The following GABBR2 variants were observed in gnomAD, a reference collection of about 807,000 sequenced individuals.
The protein encoded by GABBR2 is G-protein coupled receptor 51.
In GABBR2, 23 loss-of-function variants were observed where a neutral mutation model predicts 105.6. The ratio of observed to expected loss-of-function variants is 0.22; its 90% CI spans 0.16 to 0.31. The LOEUF is 0.31. GABBR2 is among the 10% of genes least tolerant of loss of function. The pLI is 1.00. For synonymous variants in GABBR2, 478 were observed against 499.7 expected, an observed-to-expected ratio of 0.96 and a Z score of 0.58; for missense variants, 734 against 1,245.5, an observed-to-expected ratio of 0.59 and a Z score of 6.18.
chr9:98,622,236 T>C (rs1056173676), intron 1 of GABBR2, among the ~76,000 whole-genome samples: 1 of 152,032 alleles, frequency 6.6e-6, no homozygotes, highest in Non-Finnish European at 1.5e-5. Flanking sequence ...GTCATCACAG[T>C]TCATTGCAGT....
At chr9:98,412,836 G>C (rs188441379) in intron 7 of GABBR2, among the ~76,000 whole-genome samples, 103 of 152,338 alleles carry the variant, frequency 6.8e-4, no homozygotes, top group African/African-American at 2.2e-3. Flanking sequence ...AGGAATGAGT[G>C]CTCAGAGAGG....
intron 7 of GABBR2, among the ~76,000 whole-genome samples, chr9:98,420,338 G>A (rs955207688): frequency 6.6e-6 from 1 of 152,162 alleles, no homozygotes; most frequent in East Asian, 1.9e-4. Flanking sequence ...AGCCTCAGCC[G>A]GCCTCGACTG....
At chr9:98,340,725 A>T (rs997320889) in intron 13 of GABBR2, among the ~76,000 whole-genome samples, 2 of 152,226 alleles carry the variant, frequency 1.3e-5, no homozygotes, top group African/African-American at 4.8e-5. Flanking sequence ...CACCCTGATG[A>T]TGAACCATTT....
chr9:98,456,020 C>A (rs1588170606), intron 6 of GABBR2, among the ~76,000 whole-genome samples: 1 of 152,254 alleles, frequency 6.6e-6, no homozygotes, highest in East Asian at 1.9e-4. Flanking sequence ...GCAGAAACTC[C>A]CCCCAAATCC....
intron 7 of GABBR2, among the ~76,000 whole-genome samples, chr9:98,419,976 A>G (rs1832753683): frequency 6.6e-6 from 1 of 151,996 alleles, no homozygotes; most frequent in South Asian, 2.1e-4. Flanking sequence ...GCCTCCTGAC[A>G]ACGTTTCTGG....
chr9:98,566,877 T>C (rs1336894663), intron 2 of GABBR2, among the ~76,000 whole-genome samples: 1 of 150,714 alleles, frequency 6.6e-6, no homozygotes, highest in African/African-American at 2.4e-5. Flanking sequence ...GAAGATTACA[T>C]GCCTGCTGGG....
At chr9:98,623,220 T>G (rs1829692164) in intron 1 of GABBR2, among the ~76,000 whole-genome samples, 1 of 151,718 alleles carries the variant, frequency 6.6e-6, no homozygotes, top group South Asian at 2.1e-4. Context: ...AATGCAGGAG[T>G]TCAAGACCAG....
At chr9:98,403,754 A>ATAT (rs200975032) in intron 8 of GABBR2, among the ~76,000 whole-genome samples, 8 of 128,274 alleles carry the variant, frequency 6.2e-5, no homozygotes, top group African/African-American at 1.1e-4. Flanking sequence ...GAGAAAAAAA[A>ATAT]AAATATATAT....
At chr9:98,315,938 T>C (rs3780439) in intron 13 of GABBR2, among the ~76,000 whole-genome samples, 48,416 of 152,104 alleles carry the variant, frequency 0.32, 8,309 homozygotes, top group East Asian at 0.56. Flanking sequence ...TGGGGAAGTA[T>C]TCAGGCTATA....
chr9:98,336,578 G>T (rs1831119567), intron 13 of GABBR2, among the ~76,000 whole-genome samples: 1 of 152,120 alleles, frequency 6.6e-6, no homozygotes, highest in Non-Finnish European at 1.5e-5. Context: ...GGTGGCATGT[G>T]CCTGTAGTCC....
chr9:98,650,314 G>C (rs1446034306), intron 1 of GABBR2, among the ~76,000 whole-genome samples: 1 of 152,122 alleles, frequency 6.6e-6, no homozygotes, highest in Non-Finnish European at 1.5e-5. Context: ...TTTAACCTCT[G>C]CTCAACCTCA....
intron 1 of GABBR2, among the ~76,000 whole-genome samples, chr9:98,701,249 T>C (rs1382168380): frequency 6.6e-6 from 1 of 152,168 alleles, no homozygotes; most frequent in African/African-American, 2.4e-5. Flanking sequence ...TATCAAACAT[T>C]AAACAGGCCC....
chr9:98,657,705 A>G (rs745930570), intron 1 of GABBR2, among the ~76,000 whole-genome samples: 5 of 152,238 alleles, frequency 3.3e-5, no homozygotes, highest in Non-Finnish European at 5.9e-5. Flanking sequence ...TCATCCCCCA[A>G]ATCTGCATAT....
chr9:98,627,688 G>A (rs781347594), intron 1 of GABBR2, among the ~76,000 whole-genome samples: 9 of 152,236 alleles, frequency 5.9e-5, no homozygotes, highest in South Asian at 2.1e-4. Context: ...AAGCGGGTCC[G>A]TGTGCTGGCT....
intron 1 of GABBR2, among the ~76,000 whole-genome samples, chr9:98,683,146 T>C (rs1830571325): frequency 6.6e-6 from 1 of 151,238 alleles, no homozygotes; most frequent in African/African-American, 2.4e-5. Flanking sequence ...TAGGCTAGAG[T>C]GCAATGGCGC....
At chr9:98,411,601 G>A (rs112407620) in intron 7 of GABBR2, among the ~76,000 whole-genome samples, 1 of 151,430 alleles carries the variant, frequency 6.6e-6, no homozygotes. Flanking sequence ...TTGCTCTGCT[G>A]CCCAGGCTAG....
chr9:98,597,244 C>T (rs1355737160), intron 1 of GABBR2, among the ~76,000 whole-genome samples: 1 of 152,166 alleles, frequency 6.6e-6, no homozygotes, highest in Non-Finnish European at 1.5e-5. Flanking sequence ...GTGTGTTCTC[C>T]TGCACAACAG....
At chr9:98,488,715 G>C (rs759459155) in intron 4 of GABBR2, among the ~76,000 whole-genome samples, 2 of 152,040 alleles carry the variant, frequency 1.3e-5, no homozygotes, top group Non-Finnish European at 2.9e-5. Context: ...AGAAGAAATG[G>C]GGGGAGACAG....
chr9:98,462,301 A>C (rs986681821), intron 6 of GABBR2, among the ~76,000 whole-genome samples: 2 of 152,238 alleles, frequency 1.3e-5, no homozygotes, highest in African/African-American at 2.4e-5. Flanking sequence ...AGACTAATAC[A>C]TTGGATTACA....
Sources: allele counts gnomAD v4.1 joint callset (sites outside exome capture counted in the v4.1 genomes callset), GRCh38; gene constraint gnomAD v4.1.1; transcripts MANE v1.5; gene names NCBI Gene and HGNC (gene_info 2026-07-23, HGNC 2026-07-21).